OAS2: variants seen among roughly 807,000 people sequenced by gnomAD.
OAS2 encodes the protein 2'-5'-oligoadenylate synthase 2.
OAS2 carries 67 observed loss-of-function variants against 71.3 expected under a neutral mutation model. The observed-to-expected ratio is 0.94, with a 90% CI of 0.77 to 1.15. The LOEUF (loss-of-function observed/expected upper bound fraction) is 1.15, where lower values mean the gene tolerates loss of function less well. Ranked by LOEUF, OAS2 falls within the 50% of genes most tolerant of loss-of-function variation. The pLI, the probability that OAS2 is intolerant of heterozygous loss-of-function variation, is 0.00. For synonymous variants in OAS2, 327 were observed against 321.8 expected, an observed-to-expected ratio of 1.02 and a Z score of -0.17; for missense variants, 789 against 822.5, an observed-to-expected ratio of 0.96 and a Z score of 0.50.
At chr12:112,997,421 C>A (rs2044243401) in intron 3 of OAS2, 99 bp from the exon 4 acceptor site, 4 of 951,584 alleles carry the variant, frequency 4.2e-6, no homozygotes, top group Admixed American at 2.5e-5. Context: ...TAGCAAAGGA[C>A]AATGACTTCC....
chr12:113,004,910 T>A, intron 6 of OAS2, 24 bp from the exon 7 acceptor site: 1 of 1,609,400 alleles, frequency 6.2e-7, no homozygotes, highest in Non-Finnish European at 8.5e-7. Context: ...AAATTCTGGA[T>A]CTCAACCTTC....
At chr12:113,001,840 AC>A (rs1416490932) in intron 5 of OAS2, among the ~76,000 whole-genome samples, 6 of 137,076 alleles carry the variant, frequency 4.4e-5, no homozygotes, top group Non-Finnish European at 9.1e-5. Context: ...AGCCTGGGGA[AC>A]CTAGTGAGAC....
chr12:113,011,273 A>G lies in OAS2; in HGVS notation c.*2018A>G, dbSNP rs2044378405. On this transcript the variant is annotated 3_prime_UTR_variant, in exon 10 of 10. Coordinates refer to ENST00000392583, the MANE Select transcript of OAS2 (RefSeq NM_002535.3). ...AAAAATTCTAGAGTTTCCTGATAGGAGTGTCTTTTGTATTCATAACAAGCC... is the reference window on the plus strand; with the variant it reads ...AAAAATTCTAGAGTTTCCTGATAGGGGTGTCTTTTGTATTCATAACAAGCC... The G allele has an allele frequency of 6.6e-6, 1 of 152,158 alleles. No homozygotes were observed. Among genetic ancestry groups the G allele is most frequent in the African/African-American group, 2.4e-5 (1 of 41,422 alleles). 9.4% of individuals were successfully genotyped at this position (152,158 alleles called of 1,614,324 possible).
At chr12:112,991,720 GA>G (rs1423164237) in intron 2 of OAS2, among the ~76,000 whole-genome samples, 9 of 152,232 alleles carry the variant, frequency 5.9e-5, no homozygotes, top group Non-Finnish European at 1.2e-4. Flanking sequence ...TTTGTCCTGA[GA>G]AGTTCCCAGC....
chr12:112,992,531 A>T (rs2044201569), intron 2 of OAS2, among the ~76,000 whole-genome samples: 1 of 152,240 alleles, frequency 6.6e-6, no homozygotes, highest in South Asian at 2.1e-4. Flanking sequence ...TTCTAAGCCC[A>T]TGGCCAGAGT....
Position 113,007,098 on chromosome 12 carries a change from GC to G in OAS2, c.1656+499del, listed in dbSNP as rs895017204. ...ACCCCAGATTCATGCACTGTAGGGT[GC>G]TGAGCAGCATCCCTAGTCTCTACCC... is the stretch of plus-strand genomic sequence containing the variant. On this transcript the variant is annotated intron_variant, in intron 8 of 9. Coordinates refer to ENST00000392583, the MANE Select transcript of OAS2 (RefSeq NM_002535.3). Among the ~76,000 whole-genome samples, 13 of 152,278 alleles carry G rather than the reference GC, an allele frequency of 8.5e-5. 1 individual carries two copies. In the Middle Eastern group the frequency reaches 0.01, roughly 120 times the overall value.
intron 5 of OAS2, among the ~76,000 whole-genome samples, chr12:112,998,661 C>A (rs1033662750): frequency 6.6e-6 from 1 of 152,228 alleles, no homozygotes; most frequent in Admixed American, 6.5e-5. Context: ...AGGCTTCCTG[C>A]AGCTTCTGGT....
At position 113,006,545 on chromosome 12, in the gene OAS2, C is replaced by T. The variant is rs1282763262; in HGVS notation, c.1601C>T (p.Ser534Phe). ...FTVLQRNFIRSRPTKLKDLIR... is the reference protein window; with the variant it reads ...FTVLQRNFIRFRPTKLKDLIR... ...GTCCTGCAGCGAAACTTCATTCGCTCCCGGCCCACCAAACTAAAGGATTTA... is the reference window on the plus strand; with the variant it reads ...GTCCTGCAGCGAAACTTCATTCGCTTCCGGCCCACCAAACTAAAGGATTTA... The change falls in exon 8 of 10, where the codon TCC becomes TTC. Residue 534 changes from serine (S) to phenylalanine (F), a missense_variant. Physicochemically the swap from Ser to Phe is radical, Grantham distance 155. Coordinates refer to ENST00000392583, the MANE Select transcript of OAS2 (RefSeq NM_002535.3). 10 of 1,612,668 alleles carry T rather than the reference C, an allele frequency of 6.2e-6. No homozygotes were observed. Among genetic ancestry groups the T allele is most frequent in the Non-Finnish European group, 8.5e-6 (10 of 1,178,936 alleles).
rs149143522 is a variant in OAS2 at position 113,007,930 on chromosome 12, T to C, written c.1882T>C (p.Leu628=). ...CGTGAGGAAGTTTCTACTGAGCCAG[T>C]TGCAGAAAACCAGGTGCCTTCACCC... The part of the protein sequence containing the change: ...ETVRKFLLSQ[L]QKTRPVILDP... The change falls in exon 9 of 10, where the codon TTG becomes CTG. Residue 628 remains leucine, a synonymous_variant. Transcript: ENST00000392583. The C allele has an allele frequency of 1.1e-5, 17 of 1,613,554 alleles. No individual in the cohort carries two copies. Among genetic ancestry groups the C allele is most frequent in the Non-Finnish European group, 1.4e-5 (17 of 1,179,566 alleles).
At chr12:112,990,414 G>GAAGTTAATTAGCAGTTAA (rs2044180524) in intron 2 of OAS2, among the ~76,000 whole-genome samples, 2 of 152,372 alleles carry the variant, frequency 1.3e-5, no homozygotes, top group South Asian at 4.1e-4. Flanking sequence ...TTAGCAGTTA[G>GAAGTTAATTAGCAGTTAA]TTGAAGGAGT....
At chr12:112,985,197 G>C (rs1593195199) in intron 1 of OAS2, among the ~76,000 whole-genome samples, 1 of 151,408 alleles carries the variant, frequency 6.6e-6, no homozygotes, top group African/African-American at 2.4e-5. Context: ...TAAATCTCTT[G>C]TAAGACATGG....
At chr12:113,002,077 T>C (rs1195768795) in intron 5 of OAS2, among the ~76,000 whole-genome samples, 1 of 152,066 alleles carries the variant, frequency 6.6e-6, no homozygotes, top group Non-Finnish European at 1.5e-5. Context: ...AGGCTACCTG[T>C]TGGGTTCTAT....
In OAS2 at chr12:113,009,987, G is replaced by T. The variant is rs1350037482; in HGVS notation, c.*732G>T. 3.0e-5 allele frequency: 29 copies of T among 982,600 alleles called. No homozygotes were observed. Among genetic ancestry groups the T allele is most frequent in the Non-Finnish European group, 3.3e-5 (27 of 826,196 alleles). The allele number at this position is 982,600 out of a possible 1,614,324, so 60.9% of individuals were successfully genotyped here. On this transcript the variant is annotated 3_prime_UTR_variant, in exon 10 of 10. Coordinates refer to ENST00000392583, the MANE Select transcript of OAS2 (RefSeq NM_002535.3). ...ACTTTGATACTTACTCACATTTGGG[G>T]CTAGACAGTTCTTTGTTTGGAGGCT...
Position 113,001,887 on chromosome 12 carries a change from A to AAAAAAAT in OAS2, c.1009-1044_1009-1043insAAAAATA, listed in dbSNP as rs56814612. ...ACAAAAAAAAAAAAAAAAAAAAAAA[A>AAAAAAAT]AGCTAGGCGTGGTGGCACAAACCTG... On this transcript the variant is annotated intron_variant, in intron 5 of 9. Transcript: ENST00000392583. 1.8e-4 allele frequency among the ~76,000 whole-genome samples: 20 copies of AAAAAAAT among 110,704 alleles called. 2 individuals carry two copies. The highest frequency in any genetic ancestry group is 2.3e-4 in the African/African-American group (6 of 25,922). The allele number at this position is 110,704 out of a possible 152,430, so 72.6% of individuals were successfully genotyped here.
chr12:112,990,267 A>G (rs571651875), intron 2 of OAS2, among the ~76,000 whole-genome samples: 4 of 152,356 alleles, frequency 2.6e-5, no homozygotes, highest in African/African-American at 7.2e-5. Context: ...CTTGATTTGT[A>G]TACATTTTAG....
Position 113,009,378 on chromosome 12 carries a change from C to A in OAS2, c.*123C>A. On this transcript the variant is annotated 3_prime_UTR_variant, in exon 10 of 10. Transcript: ENST00000392583. ...ACCCAGCTCACAGGAGCTTAAACAG[C>A]TGGTCAGCCCCCTAAGCCCCCACTA... 4.6e-6 allele frequency: 7 copies of A among 1,508,272 alleles called. No individual in the cohort carries two copies. The highest frequency in any genetic ancestry group is 6.2e-6 in the Non-Finnish European group (7 of 1,134,354). 93.4% of individuals were successfully genotyped at this position (1,508,272 alleles called of 1,614,324 possible).
chr12:113,005,309 CAT>C (rs2044322131), intron 7 of OAS2, 87 bp downstream of exon 7: 1 of 1,335,266 alleles, frequency 7.5e-7, no homozygotes, highest in Admixed American at 2.1e-5. Flanking sequence ...GCTCTGAAAA[CAT>C]GTGCCACTCA....
At chr12:112,996,310 G>A (rs2044231558) in intron 3 of OAS2, among the ~76,000 whole-genome samples, 1 of 152,054 alleles carries the variant, frequency 6.6e-6, no homozygotes, top group Non-Finnish European at 1.5e-5. Context: ...CATTTCTCTT[G>A]GATAAATATG....
At chr12:113,009,004 G>C in intron 9 of OAS2, 83 bp from the exon 10 acceptor site, 1 of 1,534,372 alleles carries the variant, frequency 6.5e-7, no homozygotes, top group Non-Finnish European at 8.7e-7. Flanking sequence ...TTGTCTTATT[G>C]CTGAAAGTAT....
Sources: gnomAD v4.1 joint callset for allele counts (sites outside exome capture counted in the v4.1 genomes callset) on GRCh38, gnomAD v4.1.1 for gene constraint, MANE v1.5 for transcripts, NCBI Gene and HGNC (gene_info 2026-07-23, HGNC 2026-07-21) for gene names.